The following OR10H1 variants were observed in gnomAD, a reference collection of about 807,000 sequenced individuals.
OR10H1 encodes olfactory receptor 10H1.
In OR10H1, 12 loss-of-function variants were observed where a neutral mutation model predicts 13.1. The observed-to-expected ratio is 0.92, with a 90% CI of 0.59 to 1.48. The LOEUF is 1.48. Among genes scored for constraint, OR10H1 ranks in the 40% most tolerant of loss-of-function variants. The pLI, the probability that OR10H1 is intolerant of heterozygous loss-of-function variation, is 0.00. For synonymous variants in OR10H1, 168 were observed against 175.6 expected (o/e 0.96, Z 0.34); for missense variants, 363 against 413.1 (o/e 0.88, Z 1.05).
chr19:15,805,097 A>T lies in OR10H1; in HGVS notation c.*1984T>A, dbSNP rs1407409433. 1 of 151,668 alleles carries T rather than the reference A, an allele frequency of 6.6e-6. No homozygotes were observed. Among genetic ancestry groups the T allele is most frequent in the Non-Finnish European group, 1.5e-5 (1 of 67,948 alleles). 9.4% of individuals were successfully genotyped at this position (151,668 alleles called of 1,614,324 possible). ...TGTTTTTTTCTTGTAAATTTGTTTG[A>T]GTTCATTGTAGATTCTGGATATTAG... On this transcript the variant is annotated 3_prime_UTR_variant, in exon 4 of 4. Transcript: ENST00000641419.
In OR10H1 at chr19:15,808,707, G is replaced by C. The variant is rs561407290; in HGVS notation, c.-12+18C>G. The C allele has an allele frequency of 2.6e-5, 4 of 152,102 alleles. No homozygotes were observed. The highest frequency in any genetic ancestry group is 9.7e-5 in the African/African-American group (4 of 41,360). The allele number at this position is 152,102 out of a possible 1,614,324, so 9.4% of individuals were successfully genotyped here. A position where few individuals can be genotyped will look rare whatever the true frequency, so the allele number is the denominator to read the frequency against. On this transcript the variant is annotated intron_variant, in intron 3 of 3. Coordinates refer to ENST00000641419, the MANE Select transcript of OR10H1 (RefSeq NM_013940.4). ...TCTACTAAAAATATAAAAATTAGTCGGGCATGGTGGCACGCACCTGTAGTC... is the reference window on the plus strand; with the variant it reads ...TCTACTAAAAATATAAAAATTAGTCCGGCATGGTGGCACGCACCTGTAGTC...
rs750952119 is a variant in OR10H1, at chr19:15,807,919, A to C, written c.119T>G (p.Leu40Arg). The change falls in exon 4 of 4, where the codon CTG (leucine) becomes CGG (arginine). Residue 40 changes from leucine (L) to arginine (R), a missense_variant. By Grantham distance (102) the Leu-to-Arg change is moderately radical (BLOSUM62 -2). This residue lies in a region of OR10H1 where 318 missense variants were observed against 366.6 expected (regional missense o/e 0.87). Transcript: ENST00000641419. ...LFLLMYLFTL[L>R]GNLLIMATVW... ...GGTGGCCATGATGAGCAGGTTGCCC[A>C]GCAGCGTGAACAGGTACATCAGCAG... The C allele has an allele frequency of 6.2e-7, 1 of 1,614,118 alleles. No individual in the cohort carries two copies.
Position 15,804,729 on chromosome 19 carries a change from T to C in OR10H1, c.*2352A>G, listed in dbSNP as rs1267107200. 3 of 152,214 alleles carry C rather than the reference T, an allele frequency of 2.0e-5. No individual in the cohort carries two copies. Among genetic ancestry groups the C allele is most frequent in the Non-Finnish European group, 4.4e-5 (3 of 68,048 alleles). The allele number at this position is 152,214 out of a possible 1,614,324, so 9.4% of individuals were successfully genotyped here. On this transcript the variant is annotated 3_prime_UTR_variant, in exon 4 of 4. Coordinates refer to ENST00000641419, the MANE Select transcript of OR10H1 (RefSeq NM_013940.4). The stretch of plus-strand genomic sequence containing the variant: ...GCAGCATGATTTATAATCCTTTGGG[T>C]ATATACCCAGTAATGGGATGGCTGG...
At position 15,806,928 on chromosome 19, in the gene OR10H1, T is replaced by C. The variant is rs2088898318; in HGVS notation, c.*153A>G. 4.3e-6 allele frequency: 3 copies of C among 700,236 alleles called. No homozygotes were observed. Among genetic ancestry groups the C allele is most frequent in the Admixed American group, 2.5e-5 (1 of 39,608 alleles). 43.4% of individuals were successfully genotyped at this position (700,236 alleles called of 1,614,324 possible). A position where few individuals can be genotyped will look rare whatever the true frequency, so the allele number is the denominator to read the frequency against. ...TTTTAGTAGAGATGGGGTTTCGCCATGTTAGCCATGCTGGTCTCAAACTCC... is the reference window on the plus strand; with the variant it reads ...TTTTAGTAGAGATGGGGTTTCGCCACGTTAGCCATGCTGGTCTCAAACTCC... On this transcript the variant is annotated 3_prime_UTR_variant, in exon 4 of 4. Coordinates refer to ENST00000641419, the MANE Select transcript of OR10H1 (RefSeq NM_013940.4).
At position 15,806,986 on chromosome 19, in the gene OR10H1, C is replaced by T; in HGVS notation, c.*95G>A. ...AGGTGATCCGCCTGCCTCGGCCTCCCAAAGTGCTGGGATTACAGGCATGAG... is the reference window on the plus strand; with the variant it reads ...AGGTGATCCGCCTGCCTCGGCCTCCTAAAGTGCTGGGATTACAGGCATGAG... On this transcript the variant is annotated 3_prime_UTR_variant, in exon 4 of 4. Coordinates refer to ENST00000641419, the MANE Select transcript of OR10H1 (RefSeq NM_013940.4). The T allele has an allele frequency of 8.1e-7, 1 of 1,233,716 alleles. No individual in the cohort carries two copies. The highest frequency in any genetic ancestry group is 1.4e-5 in the South Asian group (1 of 69,862). The allele number at this position is 1,233,716 out of a possible 1,614,324, so 76.4% of individuals were successfully genotyped here. A position where few individuals can be genotyped will look rare whatever the true frequency, so the allele number is the denominator to read the frequency against.
Position 15,807,099 on chromosome 19 carries a change from T to G in OR10H1, c.939A>C (p.Glu313Asp). ...ATTTCTCCTACATCATTACATTTTT[T>G]TCTGGGTAGAGTTTACTGAAGAAGG... ...KKTFFSKLYP[E>D]KNVMM The change falls in exon 4 of 4, where the codon GAA becomes GAC. Residue 313 changes from glutamate (E) to aspartate (D), a missense_variant. Glu to Asp is a conservative substitution (Grantham distance 45). This residue lies in a region of OR10H1 where 42 missense variants were observed against 30.3 expected (regional missense o/e 1.39). Transcript: ENST00000641419. 6.2e-7 allele frequency: 1 copy of G among 1,610,614 alleles called. No homozygotes were observed. The highest frequency in any genetic ancestry group is 1.1e-5 in the South Asian group (1 of 90,406).
chr19:15,814,688 A>G (rs62106087), intron 1 of OR10H1, among the ~76,000 whole-genome samples: 38,880 of 151,620 alleles, frequency 0.26, 5,469 homozygotes, highest in Middle Eastern at 0.35. Context: ...ATTTTTTTGT[A>G]CAGACAGGGT....
In OR10H1 at chr19:15,813,586, GAC is replaced by G. The variant is rs529154860; in HGVS notation, c.-777-710_-777-709del. 6.1e-4 allele frequency among the ~76,000 whole-genome samples: 91 copies of G among 149,518 alleles called. 1 individual carries two copies. The highest frequency in any genetic ancestry group is 3.6e-3 in the Middle Eastern group (1 of 280). ...AGAAAGAGAGAGACAGAGAGGTGGA[GAC>G]ACAGAGAGATGTGGGGAAAGAGCAC... On this transcript the variant is annotated intron_variant, in intron 1 of 3. Coordinates refer to ENST00000641419, the MANE Select transcript of OR10H1 (RefSeq NM_013940.4).
chr19:15,808,910 C>T (rs1454285767), intron 2 of OR10H1, 69 bp from the exon 3 acceptor site: 1 of 152,056 alleles, frequency 6.6e-6, no homozygotes. Context: ...TTTGCTGGAA[C>T]TTCCATTCAT....
Position 15,806,712 on chromosome 19 carries a change from C to T in OR10H1, c.*369G>A, listed in dbSNP as rs185769051. 6.5e-5 allele frequency: 13 copies of T among 199,454 alleles called. No homozygotes were observed. Among genetic ancestry groups the T allele is most frequent in the South Asian group, 9.2e-5 (1 of 10,840 alleles). 12.4% of individuals were successfully genotyped at this position (199,454 alleles called of 1,614,324 possible). ...TGTGAGCCACAGTGCTTGGCTGGAA[C>T]GTAATTTTCTTTTTTTCTTTCTTTC... On this transcript the variant is annotated 3_prime_UTR_variant, in exon 4 of 4. Coordinates refer to ENST00000641419, the MANE Select transcript of OR10H1 (RefSeq NM_013940.4).
intron 1 of OR10H1, among the ~76,000 whole-genome samples, 197 bp downstream of exon 1, chr19:15,815,358 A>C (rs1456258105): frequency 6.6e-6 from 1 of 151,580 alleles, no homozygotes; most frequent in African/African-American, 2.4e-5. Context: ...AAAAAAAAAA[A>C]ATAGAAGAAG....
rs1009645320 is a variant in OR10H1 at position 15,805,284 on chromosome 19, G to T, written c.*1797C>A. On this transcript the variant is annotated 3_prime_UTR_variant, in exon 4 of 4. Coordinates refer to ENST00000641419, the MANE Select transcript of OR10H1 (RefSeq NM_013940.4). The stretch of plus-strand genomic sequence containing the variant: ...ATATGGGATGTTTTGACTGTGGGTT[G>T]TTTTGACTGCTTGAATGATGGAGAA... The T allele has an allele frequency of 2.6e-5, 4 of 152,142 alleles. No homozygotes were observed. The highest frequency in any genetic ancestry group is 9.6e-5 in the African/African-American group (4 of 41,522). The allele number at this position is 152,142 out of a possible 1,614,324, so 9.4% of individuals were successfully genotyped here. A position where few individuals can be genotyped will look rare whatever the true frequency, so the allele number is the denominator to read the frequency against.
chr19:15,807,813 C>T lies in OR10H1; in HGVS notation c.225G>A (p.Val75=). 12 of 1,606,522 alleles carry T rather than the reference C, an allele frequency of 7.5e-6. 1 individual carries two copies. The highest frequency in any genetic ancestry group is 1.0e-5 in the Non-Finnish European group (12 of 1,174,200). The change falls in exon 4 of 4, where the codon GTG becomes GTA. Residue 75 remains valine (V), a synonymous_variant. Transcript: ENST00000641419. The part of the protein sequence containing the change: ...ALSVSEILYT[V]AIIPRMLADL... ...CGGCCAGCATGCGCGGGATGATGGC[C>T]ACGGTGTAGAGGATCTCGGAGACGG...
At chr19:15,813,733 A>G (rs2088947957) in intron 1 of OR10H1, among the ~76,000 whole-genome samples, 4 of 112,650 alleles carry the variant, frequency 3.6e-5, no homozygotes, top group Admixed American at 9.6e-5. Context: ...GGGAGAGAGA[A>G]GTGGGGAGAG....
At chr19:15,815,511 C>A (rs1333558536) in intron 1 of OR10H1, 44 bp downstream of exon 1, 5 of 152,374 alleles carry the variant, frequency 3.3e-5, no homozygotes, top group Admixed American at 2.6e-4. Context: ...TGCTGGTTCC[C>A]CAGGTCTCTC....
At chr19:15,814,478 TGTGA>T (rs1263087851) in intron 1 of OR10H1, among the ~76,000 whole-genome samples, 66 of 26,490 alleles carry the variant, frequency 2.5e-3, no homozygotes, top group South Asian at 4.8e-3. Flanking sequence ...TGTGTGTGTG[TGTGA>T]GAGAGAGAGA....
rs995738655 is a variant in OR10H1 at position 15,805,945 on chromosome 19, T to C, written c.*1136A>G. 2 of 152,246 alleles carry C rather than the reference T, an allele frequency of 1.3e-5. No homozygotes were observed. The highest frequency in any genetic ancestry group is 4.8e-5 in the African/African-American group (2 of 41,464). The allele number at this position is 152,246 out of a possible 1,614,324, so 9.4% of individuals were successfully genotyped here. A position where few individuals can be genotyped will look rare whatever the true frequency, so the allele number is the denominator to read the frequency against. ...TCACACTTGAAATTCTAAGGTTTCC[T>C]TGATGTTTAAAGAGAGTCTGTTTAT... On this transcript the variant is annotated 3_prime_UTR_variant, in exon 4 of 4. Coordinates refer to ENST00000641419, the MANE Select transcript of OR10H1 (RefSeq NM_013940.4).
chr19:15,814,466 TGTGTGTGTGTGTGTGAGA>T (rs2088952318), intron 1 of OR10H1, among the ~76,000 whole-genome samples: 1 of 91,988 alleles, frequency 1.1e-5, no homozygotes, highest in Non-Finnish European at 2.4e-5. Flanking sequence ...TGTGTGTGTG[TGTGTGTGTGTGTGTGAGA>T]GAGAGAGAGA....
intron 3 of OR10H1, among the ~76,000 whole-genome samples, chr19:15,808,307 G>A (rs1450940623): frequency 6.6e-6 from 1 of 152,228 alleles, no homozygotes; most frequent in Middle Eastern, 3.4e-3. Context: ...CTGTTGAAAC[G>A]GTAGATCAGA....
Sources: gnomAD v4.1 joint callset for allele counts (sites outside exome capture counted in the v4.1 genomes callset) on GRCh38, gnomAD v4.1.1 for gene constraint, gnomAD v4.1.1 regional missense constraint, MANE v1.5 for transcripts, NCBI Gene and HGNC (gene_info 2026-07-23, HGNC 2026-07-21) for gene names.